Variants in C3 observed in about 807,000 individuals in gnomAD.
The protein encoded by C3 is C3 and PZP-like alpha-2-macroglobulin domain-containing protein 1.
C3 carries 97 observed loss-of-function variants against 207.9 expected under a neutral mutation model. The observed-to-expected ratio is 0.47, with a 90% confidence interval of 0.40 to 0.55. The LOEUF is 0.55. Ranked by LOEUF, C3 falls within the 20% of genes least tolerant of loss-of-function variation. The pLI is 0.00. For synonymous variants in C3, 848 were observed against 857.6 expected (o/e 0.99, Z 0.20); for missense variants, 1,684 against 2,171.7 (o/e 0.78, Z 4.46).
chr19:6,685,723 G>A (rs768622589), intron 29 of C3, among the ~76,000 whole-genome samples: 2 of 152,132 alleles, frequency 1.3e-5, no homozygotes, highest in African/African-American at 4.8e-5. Flanking sequence ...TATAGAGCCC[G>A]CCAGTGAGGC....
chr19:6,684,283 C>T, intron 33 of C3, 105 bp downstream of exon 33: 1 of 898,616 alleles, frequency 1.1e-6, no homozygotes, highest in South Asian at 1.3e-5. Context: ...GTATCAGATA[C>T]ACAGTGTACT....
Position 6,707,215 on chromosome 19 carries a change from G to A in C3, c.2106C>T (p.Pro702=). The change falls in exon 17 of 41, where the codon CCC becomes CCT. Residue 702 remains proline, a synonymous_variant. Coordinates refer to ENST00000245907, the MANE Select transcript of C3 (RefSeq NM_000064.4). The stretch of plus-strand genomic sequence containing the variant: ...TCCGGCGCTGGCACGAGAACCTCAT[G>A]GGGTTCTCCCGCATGCCGTCCTCGC... ...KCCEDGMREN[P]MRFSCQRRTR... 1 of 1,613,662 alleles carries A rather than the reference G, an allele frequency of 6.2e-7. No individual in the cohort carries two copies. Among genetic ancestry groups the A allele is most frequent in the Non-Finnish European group, 8.5e-7 (1 of 1,179,852 alleles).
intron 2 of C3, 123 bp from the exon 3 acceptor site, chr19:6,718,535 G>A: frequency 1.8e-6 from 2 of 1,130,680 alleles, no homozygotes; most frequent in Middle Eastern, 2.0e-4. Flanking sequence ...CGAGGTGGCC[G>A]TTTTGGGGAG....
At chr19:6,690,810 A>G in intron 26 of C3, 83 bp from the exon 27 acceptor site, 2 of 1,096,448 alleles carry the variant, frequency 1.8e-6, no homozygotes, top group Non-Finnish European at 2.8e-6. Flanking sequence ...ATTCAGAATC[A>G]GGGGGTCTGG....
At chr19:6,694,222 C>T (rs929799090) in intron 24 of C3, among the ~76,000 whole-genome samples, 2 of 120,682 alleles carry the variant, frequency 1.7e-5, no homozygotes, top group Non-Finnish European at 3.4e-5. Flanking sequence ...TGAGGAGAGG[C>T]GGGGTCTCAT....
At chr19:6,698,825 C>T (rs1383330854) in intron 19 of C3, among the ~76,000 whole-genome samples, 5 of 151,978 alleles carry the variant, frequency 3.3e-5, no homozygotes, top group Non-Finnish European at 5.9e-5. Context: ...GATGGGGTCT[C>T]GCTCTGTCAC....
In C3 at chr19:6,693,409, C is replaced by G; in HGVS notation, c.3230+3G>C. 1.2e-6 allele frequency: 2 copies of G among 1,608,860 alleles called. No homozygotes were observed. Among genetic ancestry groups the G allele is most frequent in the Non-Finnish European group, 1.7e-6 (2 of 1,178,250 alleles). On this transcript the variant is annotated splice_donor_region_variant and intron_variant, in intron 25 of 40. Transcript: ENST00000245907. ...ATGGCCTGAGCTGGCTGTTGGGACTCACCAGGTGCTGGGTGCCCGTTTCAC... is the reference window on the plus strand; with the variant it reads ...ATGGCCTGAGCTGGCTGTTGGGACTGACCAGGTGCTGGGTGCCCGTTTCAC...
chr19:6,714,776 C>G (rs1599526155), intron 4 of C3, among the ~76,000 whole-genome samples: 2 of 152,106 alleles, frequency 1.3e-5, no homozygotes, highest in Non-Finnish European at 2.9e-5. Flanking sequence ...GCGGGAGAAT[C>G]GCTTGAACCC....
chr19:6,693,360 G>A, intron 25 of C3, 52 bp downstream of exon 25: 1 of 1,535,740 alleles, frequency 6.5e-7, no homozygotes, highest in Admixed American at 1.9e-5. Flanking sequence ...GGGCCCTGCT[G>A]GGGGTTGAGG....
At chr19:6,690,851 C>T (rs536581149) in intron 26 of C3, 124 bp from the exon 27 acceptor site, 22 of 748,480 alleles carry the variant, frequency 2.9e-5, no homozygotes, top group South Asian at 1.6e-4. Flanking sequence ...GGTGTTACCC[C>T]GCTACCCTAG....
At chr19:6,689,382 T>TAC (rs1253288161) in intron 27 of C3, among the ~76,000 whole-genome samples, 2 of 131,208 alleles carry the variant, frequency 1.5e-5, no homozygotes, top group African/African-American at 5.8e-5. Context: ...TCTCTCTCTC[T>TAC]CTCTCTGCCT....
Position 6,692,903 on chromosome 19 carries a change from C to CCCTA in C3, c.3390+17_3390+20dup, listed in dbSNP as rs1918201489. 1.9e-6 allele frequency: 3 copies of CCCTA among 1,613,152 alleles called. No individual in the cohort carries two copies. In the East Asian group the frequency reaches 6.7e-5, roughly 36 times the overall value. ...TCAGGAGCCCCTCTCTTCCATTTTG[C>CCCTA]CCTAAATCCCAGCCTCTTACAATCA... On this transcript the variant is annotated intron_variant, in intron 26 of 40. Coordinates refer to ENST00000245907, the MANE Select transcript of C3 (RefSeq NM_000064.4).
intron 17 of C3, among the ~76,000 whole-genome samples, chr19:6,705,711 G>A (rs531737286): frequency 1.7e-3 from 254 of 147,764 alleles, no homozygotes; most frequent in Non-Finnish European, 3.2e-3. Flanking sequence ...GTCTTGCTCT[G>A]TTGCCCAGGC....
Position 6,680,251 on chromosome 19 carries a change from C to T in C3, c.4363G>A (p.Glu1455Lys), listed in dbSNP as rs1457055525. 1 of 1,604,926 alleles carries T rather than the reference C, an allele frequency of 6.2e-7. No individual in the cohort carries two copies. Among genetic ancestry groups the T allele is most frequent in the Non-Finnish European group, 8.5e-7 (1 of 1,171,754 alleles). ...IIYLDKVSHS[E>K]DDCLAFKVHQ... ...ACTTTGAAAGCTAGACAGTCATCCT[C>T]AGAGTGTGAGACCTGAGGGGGAAGG... Residue 1455 changes from glutamate to lysine, a missense_variant, in exon 36 of 41, where the codon GAG (glutamate) becomes AAG (lysine). Transcript: ENST00000245907.
At chr19:6,715,381 C>G (rs1160443175) in intron 4 of C3, among the ~76,000 whole-genome samples, 1 of 152,136 alleles carries the variant, frequency 6.6e-6, no homozygotes, top group East Asian at 1.9e-4. Flanking sequence ...GAGGCTGAGA[C>G]AGGAGGACAG....
intron 35 of C3, 24 bp from the exon 36 acceptor site, chr19:6,680,287 T>G (rs1917827847): frequency 7.6e-7 from 1 of 1,308,486 alleles, no homozygotes; most frequent in African/African-American, 1.5e-5. Flanking sequence ...AGGAGCTTGG[T>G]CAGTGGGGTG....
In C3 at chr19:6,686,825, C is replaced by T. The variant is rs1918020523; in HGVS notation, c.3567G>A (p.Val1189=). The change falls in exon 28 of 41, where the codon GTG becomes GTA. Residue 1189 remains valine, a synonymous_variant. Transcript: ENST00000245907. Reference sequence around the variant, plus strand: ...GGGCCAGAGCATAGCCAGCAATGGCCACAGTGTAGGATCTCTGTAGGTTCA... The same window carrying T: ...GGGCCAGAGCATAGCCAGCAATGGCTACAGTGTAGGATCTCTGTAGGTTCA... The part of the protein sequence containing the change: ...NYMNLQRSYT[V]AIAGYALAQM... The T allele has an allele frequency of 6.2e-7, 1 of 1,614,056 alleles. No individual in the cohort carries two copies. Among genetic ancestry groups the T allele is most frequent in the Non-Finnish European group, 8.5e-7 (1 of 1,179,902 alleles).
At chr19:6,708,276 A>G (rs1480946024) in intron 14 of C3, among the ~76,000 whole-genome samples, 3 of 152,044 alleles carry the variant, frequency 2.0e-5, no homozygotes, top group Non-Finnish European at 4.4e-5. Context: ...ATCTGGGACT[A>G]CAGGTGCATG....
In C3 at chr19:6,686,812, A is replaced by G; in HGVS notation, c.3580T>C (p.Tyr1194His). ...QRSYTVAIAGYALAQMGRLKG... is the reference protein window; with the variant it reads ...QRSYTVAIAGHALAQMGRLKG... The stretch of plus-strand genomic sequence containing the variant: ...AGCCTGCCCATCTGGGCCAGAGCAT[A>G]GCCAGCAATGGCCACAGTGTAGGAT... Residue 1194 changes from tyrosine (Y) to histidine (H), a missense_variant, in exon 28 of 41, where the codon TAT becomes CAT. By Grantham distance (83) the Tyr-to-His change is moderately conservative (BLOSUM62 2). Transcript: ENST00000245907. The G allele has an allele frequency of 6.2e-7, 1 of 1,614,218 alleles. No individual in the cohort carries two copies. The highest frequency in any genetic ancestry group is 8.5e-7 in the Non-Finnish European group (1 of 1,180,010).
Sources: gnomAD v4.1 joint callset for allele counts (sites outside exome capture counted in the v4.1 genomes callset) on GRCh38, gnomAD v4.1.1 for gene constraint, MANE v1.5 for transcripts, NCBI Gene and HGNC (gene_info 2026-07-23, HGNC 2026-07-21) for gene names.